The following SYNE1 variants were observed in gnomAD, a reference collection of about 807,000 sequenced individuals.
The protein encoded by SYNE1 is nesprin-1.
In SYNE1, 616 loss-of-function variants were observed where a neutral mutation model predicts 1,111.0. The observed-to-expected ratio is 0.55, with a 90% CI of 0.52 to 0.59. The LOEUF (loss-of-function observed/expected upper bound fraction) is 0.59, where lower values mean the gene tolerates loss of function less well. Ranked by LOEUF, SYNE1 falls within the 20% of genes least tolerant of loss-of-function variation. SYNE1 has a pLI of 0.00. For missense variants in SYNE1, 10,006 were observed against 10,417.0 expected (o/e 0.96, Z 1.72); for synonymous variants, 3,855 against 3,825.8 (o/e 1.01, Z -0.28).
At chr6:152,430,455 C>T (rs755013498) in intron 35 of SYNE1, 27 bp downstream of exon 35, 21 of 1,584,646 alleles carry the variant, frequency 1.3e-5, no homozygotes, top group Non-Finnish European at 1.6e-5. Flanking sequence ...AATATGTAAA[C>T]TTAAGTATAG....
intron 2 of SYNE1, among the ~76,000 whole-genome samples, chr6:152,635,564 T>C (rs2099704625): frequency 6.6e-6 from 1 of 152,228 alleles, no homozygotes; most frequent in Non-Finnish European, 1.5e-5. Flanking sequence ...TCGCATTTTA[T>C]GAAGATGTAG....
Position 152,236,708 on chromosome 6 carries a change from TGAAAG to T in SYNE1, c.20199+104_20199+108del, listed in dbSNP as rs973309548. 3.7e-6 allele frequency: 5 copies of T among 1,340,498 alleles called. No individual in the cohort carries two copies. The African/African-American group carries it at 7.2e-5, about 19-fold the overall frequency. 83.0% of individuals were successfully genotyped at this position (1,340,498 alleles called of 1,614,324 possible). On this transcript the variant is annotated intron_variant, in intron 109 of 145. Transcript: ENST00000367255. ...TTATCTCCTTTCAATGTCAATAACT[TGAAAG>T]AAAAGTAAAAGTACTAATAAAATAA...
intron 3 of SYNE1, among the ~76,000 whole-genome samples, chr6:152,586,211 T>C (rs2099538345): frequency 6.6e-6 from 1 of 152,180 alleles, no homozygotes; most frequent in Admixed American, 6.5e-5. Context: ...TTTTTCTGAA[T>C]TAATATAATT....
Position 152,139,965 on chromosome 6 carries a change from C to G in SYNE1, c.25443G>C (p.Gln8481His), listed in dbSNP as rs886061191. The G allele has an allele frequency of 6.2e-7, 1 of 1,613,682 alleles. No homozygotes were observed. Residue 8481 changes from glutamine (Q) to histidine (H), a missense_variant, in exon 140 of 146, where the codon CAG (glutamine) becomes CAC (histidine). Around this residue, in one of 7 missense-constraint regions of SYNE1, gnomAD observed 761 missense variants for 795.5 expected, o/e 0.96. Coordinates refer to ENST00000367255, the MANE Select transcript of SYNE1 (RefSeq NM_182961.4). ...GGGCAGCTACCTTGAGCTTTTTGAT[C>G]TGGAGCTCGATGGTCTGGATGTCAG... ...LSTDIQTIEL[Q>H]IKKLKELQKA...
In SYNE1 at chr6:152,483,088, A is replaced by G. The variant is rs201293023; in HGVS notation, c.1347T>C (p.His449=). Residue 449 remains histidine, a synonymous_variant, in exon 14 of 146, where the codon CAT becomes CAC. Transcript: ENST00000367255. The stretch of plus-strand genomic sequence containing the variant: ...GTTTTCCAACCAGAATTTTTACCTT[A>G]TGTTGCTCAAGTTTCCGTTGTATCG... ...ANTIQRKLEQ[H]KDLLQNTDAH... The G allele has an allele frequency of 4.3e-6, 7 of 1,614,168 alleles. No homozygotes were observed. The African/African-American group carries it at 8.0e-5, about 18-fold the overall frequency.
Position 152,391,321 on chromosome 6 carries a change from G to T in SYNE1, c.7960C>A (p.Leu2654Ile), listed in dbSNP as rs1323131136. 1 of 1,613,998 alleles carries T rather than the reference G, an allele frequency of 6.2e-7. No homozygotes were observed. The highest frequency in any genetic ancestry group is 1.7e-5 in the Admixed American group (1 of 59,996). The part of the protein sequence containing the change: ...QDRLACAEST[L>I]GSKDTLEKRL... ...TTCTCCAGGGTGTCTTTGCTCCCAA[G>T]AGTGCTCTCTGCACAGGCCAGTCTG... The change falls in exon 52 of 146, where the codon CTT becomes ATT. Residue 2654 changes from leucine (L) to isoleucine (I), a missense_variant. Physicochemically the swap from Leu to Ile is conservative, Grantham distance 5. Transcript: ENST00000367255.
At chr6:152,444,781 A>G (rs1332690665) in intron 29 of SYNE1, among the ~76,000 whole-genome samples, 1 of 152,100 alleles carries the variant, frequency 6.6e-6, no homozygotes, top group Non-Finnish European at 1.5e-5. Flanking sequence ...GAGAACACTT[A>G]AGGTCCACTC....
rs1176807143 is a variant in SYNE1, at chr6:152,472,409, A to G, written c.1355T>C (p.Leu452Pro). ...TTTGTGGGCATCCGTGTTTTGAAGC[A>G]GATCCTAAGATACAGTTTAAAAAAA... is the stretch of plus-strand genomic sequence containing the variant. ...IQRKLEQHKD[L>P]LQNTDAHKRA... Residue 452 changes from leucine to proline, a missense_variant, in exon 15 of 146, where the codon CTG (leucine) becomes CCG (proline). Physicochemically the swap from Leu to Pro is moderately conservative, Grantham distance 98 (BLOSUM62 -3). This residue lies in a region of SYNE1 where 1,971 missense variants were observed against 2,084.1 expected (regional missense o/e 0.95). Coordinates refer to ENST00000367255, the MANE Select transcript of SYNE1 (RefSeq NM_182961.4). The G allele has an allele frequency of 9.3e-6, 15 of 1,612,952 alleles. No homozygotes were observed. The highest frequency in any genetic ancestry group is 1.3e-5 in the Non-Finnish European group (15 of 1,179,174).
At chr6:152,635,158 C>T (rs1359611224) in intron 2 of SYNE1, among the ~76,000 whole-genome samples, 1 of 152,168 alleles carries the variant, frequency 6.6e-6, no homozygotes, top group African/African-American at 2.4e-5. Flanking sequence ...ATCTCCTCTC[C>T]CTGGCAGGAA....
At position 152,465,352 on chromosome 6, in the gene SYNE1, G is replaced by A. The variant is rs140135976; in HGVS notation, c.1838C>T (p.Ser613Phe). Residue 613 changes from serine to phenylalanine, a missense_variant, in exon 18 of 146, where the codon TCT (serine) becomes TTT (phenylalanine). By Grantham distance (155) the Ser-to-Phe change is radical. Around this residue, in one of 7 missense-constraint regions of SYNE1, gnomAD observed 1,971 missense variants for 2,084.1 expected, o/e 0.95. Coordinates refer to ENST00000367255, the MANE Select transcript of SYNE1 (RefSeq NM_182961.4). ...SVRSMLEEVISNWDRYGNTVA... is the reference protein window; with the variant it reads ...SVRSMLEEVIFNWDRYGNTVA... ...TGTATTGCCATAGCGATCCCAGTTA[G>A]AGATCACTTCTTCCAGCATGCTCCT... 573 of 1,613,832 alleles carry A rather than the reference G, an allele frequency of 3.6e-4. 3 individuals are homozygous for A. The East Asian group carries it at 9.7e-3, about 27-fold the overall frequency.
Position 152,359,307 on chromosome 6 carries a change from T to G in SYNE1, c.10443+8A>C. 5 of 1,613,682 alleles carry G rather than the reference T, an allele frequency of 3.1e-6. No homozygotes were observed. The highest frequency in any genetic ancestry group is 4.2e-6 in the Non-Finnish European group (5 of 1,179,944). ...TGGTGAGTCTACAAGGAAAGTGCTT[T>G]GCCGTACCTTGGCCCTCTCTTGGAT... On this transcript the variant is annotated splice_region_variant and intron_variant, in intron 65 of 145. Transcript: ENST00000367255.
chr6:152,365,612 GC>G (rs1268871317), intron 62 of SYNE1, among the ~76,000 whole-genome samples: 2 of 151,482 alleles, frequency 1.3e-5, no homozygotes, highest in East Asian at 3.9e-4. Context: ...GGCATATGCT[GC>G]CATGGCCAGC....
At chr6:152,562,597 C>T (rs2099398555) in intron 3 of SYNE1, among the ~76,000 whole-genome samples, 2 of 152,130 alleles carry the variant, frequency 1.3e-5, no homozygotes, top group Non-Finnish European at 2.9e-5. Context: ...ATCTGCACCA[C>T]CATATGCCCT....
intron 31 of SYNE1, among the ~76,000 whole-genome samples, chr6:152,441,503 A>G (rs1332387375): frequency 6.6e-6 from 1 of 152,172 alleles, no homozygotes; most frequent in African/African-American, 2.4e-5. Context: ...TGAGTTTTTT[A>G]TAATTTGTAA....
chr6:152,598,340 T>C (rs1349625221), intron 3 of SYNE1, among the ~76,000 whole-genome samples: 1 of 152,086 alleles, frequency 6.6e-6, no homozygotes, highest in Non-Finnish European at 1.5e-5. Context: ...CCTTCCACCA[T>C]TATTGTGAGG....
chr6:152,344,366 G>A (rs527853435), intron 73 of SYNE1, 139 bp from the exon 74 acceptor site: 2 of 1,317,274 alleles, frequency 1.5e-6, no homozygotes, highest in South Asian at 2.6e-5. Context: ...AATATCTAAG[G>A]CAGTTGTATG....
At position 152,256,785 on chromosome 6, in the gene SYNE1, G is replaced by A. The variant is rs2090957025; in HGVS notation, c.18973-20C>T. On this transcript the variant is annotated intron_variant, in intron 101 of 145. Coordinates refer to ENST00000367255, the MANE Select transcript of SYNE1 (RefSeq NM_182961.4). Reference sequence around the variant, plus strand: ...ATAAAGCTGTAGGCAAACAAAGGCAGCTTGTTGAAGAGCATATGCATTATG... The same window carrying A: ...ATAAAGCTGTAGGCAAACAAAGGCAACTTGTTGAAGAGCATATGCATTATG... 6.2e-7 allele frequency: 1 copy of A among 1,612,476 alleles called. No homozygotes were observed. Among genetic ancestry groups the A allele is most frequent in the Non-Finnish European group, 8.5e-7 (1 of 1,179,088 alleles).
intron 3 of SYNE1, among the ~76,000 whole-genome samples, chr6:152,604,682 A>G (rs1035997204): frequency 1.3e-5 from 2 of 151,824 alleles, no homozygotes; most frequent in African/African-American, 4.8e-5. Flanking sequence ...GCTCATGCCT[A>G]TAGTCCTAGT....
chr6:152,585,056 G>A (rs1334312218), intron 3 of SYNE1, among the ~76,000 whole-genome samples: 1 of 152,174 alleles, frequency 6.6e-6, no homozygotes, highest in African/African-American at 2.4e-5. Flanking sequence ...AATCATAGGG[G>A]TGGTTATCCT....
Sources: allele counts gnomAD v4.1 joint callset (sites outside exome capture counted in the v4.1 genomes callset), GRCh38; gene constraint gnomAD v4.1.1; regional missense constraint gnomAD v4.1.1; transcripts MANE v1.5; gene names NCBI Gene and HGNC (gene_info 2026-07-23, HGNC 2026-07-21).